Variants in KHDC1 observed in about 807,000 individuals in gnomAD.
The protein encoded by KHDC1 is KH domain containing 1, also known as KH homology domain-containing protein 1.
KHDC1 carries 21 observed loss-of-function variants against 24.7 expected under a neutral mutation model. The observed-to-expected ratio is 0.85, with a 90% CI of 0.60 to 1.23. KHDC1 has a LOEUF of 1.23. Ranked by LOEUF, KHDC1 falls within the 50% of genes most tolerant of loss-of-function variation. The pLI is 0.00. For synonymous variants in KHDC1, 98 were observed against 111.7 expected (o/e 0.88, Z 0.77); for missense variants, 274 against 298.5 (o/e 0.92, Z 0.61).
chr6:73,259,731 T>C (rs1358014254), intron 2 of KHDC1, among the ~76,000 whole-genome samples: 3 of 152,200 alleles, frequency 2.0e-5, no homozygotes, highest in Non-Finnish European at 4.4e-5. Flanking sequence ...GTGGTCTCAG[T>C]TGAGAGCTTG....
chr6:73,258,469 AG>A (rs1353505859), intron 2 of KHDC1, among the ~76,000 whole-genome samples: 7 of 152,174 alleles, frequency 4.6e-5, no homozygotes, highest in African/African-American at 1.7e-4. Flanking sequence ...AGAAATATCT[AG>A]AATAAGCAAA....
At position 73,248,952 on chromosome 6, in the gene KHDC1, A is replaced by AG. The variant is rs1479210553; in HGVS notation, c.207-6423_207-6422insC. The stretch of plus-strand genomic sequence containing the variant: ...CCTTTATGTTGGGAGTCAAAAAAAA[A>AG]AAAAAGAAAGAAAGAAAAGGTAAAG... On this transcript the variant is annotated intron_variant, in intron 2 of 4. Transcript: ENST00000370384. Among the ~76,000 whole-genome samples, 3 of 151,834 alleles carry AG rather than the reference A, an allele frequency of 2.0e-5. No homozygotes were observed. In the East Asian group the frequency reaches 5.8e-4, roughly 29 times the overall value.
intron 1 of KHDC1, among the ~76,000 whole-genome samples, chr6:73,306,447 C>T (rs369105956): frequency 2.0e-5 from 3 of 152,132 alleles, no homozygotes. Context: ...TTACTAAAAA[C>T]GTCCACTAAA....
rs1207859333 is a variant in KHDC1, at chr6:73,292,003, G to A, written c.201C>T (p.Ser67=). ...TAACTACTCGCATCACGCACCTTTT[G>A]GATCGGCATCTAGTCTTTCCGCTCC... is the stretch of plus-strand genomic sequence containing the variant. The change falls in exon 2 of 5, where the codon TCC becomes TCT. Residue 67 remains serine, a synonymous_variant. Coordinates refer to ENST00000370384, the Ensembl canonical transcript of KHDC1. 3.7e-6 allele frequency: 6 copies of A among 1,613,772 alleles called. No homozygotes were observed. In the African/African-American group the frequency reaches 6.7e-5, roughly 18 times the overall value.
At chr6:73,309,825 C>A in exon 1 of KHDC1, 1 of 1,326,690 alleles carries the variant, frequency 7.5e-7, no homozygotes, top group Non-Finnish European at 1.0e-6. Flanking sequence ...GACGGAGAAG[C>A]GAAGTTCAGG....
chr6:73,253,125 A>G (rs1398257611), intron 2 of KHDC1, among the ~76,000 whole-genome samples: 1 of 152,228 alleles, frequency 6.6e-6, no homozygotes, highest in Non-Finnish European at 1.5e-5. Flanking sequence ...TGAAAAGACC[A>G]ATCAGTGAAA....
intron 2 of KHDC1, among the ~76,000 whole-genome samples, chr6:73,276,851 AT>A (rs1179477653): frequency 6.6e-6 from 1 of 152,236 alleles, no homozygotes; most frequent in African/African-American, 2.4e-5. Flanking sequence ...TTGTTTAAAG[AT>A]TCAAAATGAG....
At chr6:73,254,016 T>G (rs1766831824) in intron 2 of KHDC1, among the ~76,000 whole-genome samples, 1 of 152,080 alleles carries the variant, frequency 6.6e-6, no homozygotes, top group Non-Finnish European at 1.5e-5. Flanking sequence ...CCTAACAACC[T>G]AAATCGAATC....
intron 2 of KHDC1, among the ~76,000 whole-genome samples, chr6:73,286,272 G>C (rs552019518): frequency 2.6e-5 from 4 of 152,174 alleles, no homozygotes; most frequent in South Asian, 2.1e-4. Context: ...CTCCAAAAAA[G>C]TCTCTATATA....
chr6:73,249,775 G>C (rs1458116374), intron 2 of KHDC1, among the ~76,000 whole-genome samples: 1 of 151,828 alleles, frequency 6.6e-6, no homozygotes, highest in Non-Finnish European at 1.5e-5. Flanking sequence ...TTAGAAACAG[G>C]GTCTTGCCCT....
Position 73,242,291 on chromosome 6 carries a change from T to C in KHDC1, c.332-54A>G, listed in dbSNP as rs958086094. Reference sequence around the variant, plus strand: ...CTGTCAAGCACCAGCCCTTAGGGAATGGGGAGGTGGCCTTCAGGGTAGGAA... The same window carrying C: ...CTGTCAAGCACCAGCCCTTAGGGAACGGGGAGGTGGCCTTCAGGGTAGGAA... On this transcript the variant is annotated intron_variant, in intron 3 of 4. Coordinates refer to ENST00000370384, the Ensembl canonical transcript of KHDC1. 17 of 1,603,284 alleles carry C rather than the reference T, an allele frequency of 1.1e-5. No homozygotes were observed. In the South Asian group the frequency reaches 1.6e-4, roughly 15 times the overall value.
chr6:73,273,648 C>T (rs1767221317), intron 2 of KHDC1, among the ~76,000 whole-genome samples: 1 of 150,928 alleles, frequency 6.6e-6, no homozygotes, highest in Admixed American at 6.6e-5. Flanking sequence ...AACCCCGTCT[C>T]TACTAAAAAT....
At chr6:73,241,712 T>A in exon 5 of KHDC1, 2 of 1,614,092 alleles carry the variant, frequency 1.2e-6, no homozygotes, top group Non-Finnish European at 1.7e-6. Flanking sequence ...TTCGGACACG[T>A]TCCAGCATCT....
exon 1 of KHDC1, chr6:73,309,700 G>A (rs1371224641): frequency 1.3e-6 from 2 of 1,550,112 alleles, no homozygotes; most frequent in Non-Finnish European, 8.7e-7. Flanking sequence ...ACAGCCTCTG[G>A]AAGGCCGACA....
At chr6:73,256,148 TACAGG>T in intron 2 of KHDC1, among the ~76,000 whole-genome samples, 2 of 152,200 alleles carry the variant, frequency 1.3e-5, no homozygotes, top group Non-Finnish European at 2.9e-5. Flanking sequence ...TTCACTCCTT[TACAGG>T]TCCTTTTTTA....
At chr6:73,304,648 C>T (rs764637666) in intron 1 of KHDC1, among the ~76,000 whole-genome samples, 25 of 152,130 alleles carry the variant, frequency 1.6e-4, no homozygotes, top group Non-Finnish European at 2.8e-4. Context: ...GCTACAATGA[C>T]ATATATTACA....
intron 2 of KHDC1, among the ~76,000 whole-genome samples, chr6:73,243,729 C>A (rs1766616620): frequency 6.6e-6 from 1 of 152,208 alleles, no homozygotes; most frequent in Non-Finnish European, 1.5e-5. Context: ...TTTAACCTTG[C>A]CACAAAACTG....
At chr6:73,263,881 T>A (rs1019320536) in intron 2 of KHDC1, among the ~76,000 whole-genome samples, 1 of 152,176 alleles carries the variant, frequency 6.6e-6, no homozygotes, top group Non-Finnish European at 1.5e-5. Context: ...TTCAAGTCCG[T>A]TTGGACAATT....
At chr6:73,309,977 C>G (rs1054440183) in exon 1 of KHDC1, 1 of 443,848 alleles carries the variant, frequency 2.3e-6, no homozygotes, top group African/African-American at 2.1e-5. Flanking sequence ...AAGCTCCAGG[C>G]TCGGTCACCA....
Sources: gnomAD v4.1 joint callset for allele counts (sites outside exome capture counted in the v4.1 genomes callset) on GRCh38, gnomAD v4.1.1 for gene constraint, MANE v1.5 for transcripts, NCBI Gene and HGNC (gene_info 2026-07-23, HGNC 2026-07-21) for gene names.